NR4A3: variants seen among roughly 807,000 people sequenced by gnomAD.
NR4A3 encodes nuclear receptor subfamily 4 group A member 3, also known as chondrosarcoma, extraskeletal myxoid, fused to EWS.
A neutral mutation model predicts 55.6 loss-of-function variants in NR4A3; 13 were observed. That is an observed-to-expected ratio of 0.23 (90% CI 0.15 to 0.37). The LOEUF (loss-of-function observed/expected upper bound fraction) is 0.37, where lower values mean the gene tolerates loss of function less well. NR4A3 is among the 10% of genes least tolerant of loss of function. The probability of loss-of-function intolerance (pLI) is 1.00; values close to 1 mark genes in which losing one functional copy is unlikely to be tolerated. For missense variants in NR4A3, 646 were observed against 822.8 expected (o/e 0.79, Z 2.63); for synonymous variants, 342 against 357.9 (o/e 0.96, Z 0.50).
intron 7 of NR4A3, among the ~76,000 whole-genome samples, chr9:99,862,627 A>G (rs1828029344): frequency 6.7e-6 from 1 of 150,210 alleles, no homozygotes; most frequent in Non-Finnish European, 1.5e-5. Context: ...GAGGAAAAGC[A>G]TAGTGATTTG....
intron 5 of NR4A3, among the ~76,000 whole-genome samples, chr9:99,836,408 A>G (rs991591465): frequency 7.2e-5 from 11 of 152,234 alleles, no homozygotes; most frequent in Non-Finnish European, 1.5e-4. Context: ...CATTACCTTC[A>G]GCTGCAGTAG....
rs765643733 is a variant in NR4A3, at chr9:99,844,830, T to C, written c.1436T>C (p.Val479Ala). ...LIESAFLELFVLRLSIRSNTA... is the reference protein window; with the variant it reads ...LIESAFLELFALRLSIRSNTA... ...GAATCAGCCTTTTTGGAGCTGTTTG[T>C]CCTCAGACTTTCCATCAGGTAATTA... Residue 479 changes from valine (V) to alanine (A), a missense_variant, in exon 6 of 8, where the codon GTC becomes GCC. This residue lies in a region of NR4A3 where 163 missense variants were observed against 233.0 expected (regional missense o/e 0.70). Coordinates refer to ENST00000395097, the MANE Select transcript of NR4A3 (RefSeq NM_006981.4). 1.1e-5 allele frequency: 17 copies of C among 1,613,924 alleles called. No homozygotes were observed. The highest frequency in any genetic ancestry group is 1.4e-5 in the Non-Finnish European group (17 of 1,179,752).
At chr9:99,848,410 TC>T (rs1324029923) in intron 7 of NR4A3, among the ~76,000 whole-genome samples, 1 of 152,186 alleles carries the variant, frequency 6.6e-6, no homozygotes, top group East Asian at 1.9e-4. Context: ...AATGATGTGA[TC>T]TTGGTTTACT....
At position 99,864,049 on chromosome 9, in the gene NR4A3, TGCAG is replaced by T; in HGVS notation, c.*183_*186del. On this transcript the variant is annotated 3_prime_UTR_variant, in exon 8 of 8. Coordinates refer to ENST00000395097, the MANE Select transcript of NR4A3 (RefSeq NM_006981.4). ...CCTTACAACCTAAAGCCAGAAAACT[TGCAG>T]AGTATTGTGTTGGGGTTGTGTTTTA... 1.6e-6 allele frequency: 1 copy of T among 641,712 alleles called. No homozygotes were observed. Among genetic ancestry groups the T allele is most frequent in the East Asian group, 2.9e-5 (1 of 34,310 alleles). The allele number at this position is 641,712 out of a possible 1,614,324, so 39.8% of individuals were successfully genotyped here.
At chr9:99,850,607 G>C (rs1244875925) in intron 7 of NR4A3, among the ~76,000 whole-genome samples, 1 of 152,204 alleles carries the variant, frequency 6.6e-6, no homozygotes, top group Non-Finnish European at 1.5e-5. Flanking sequence ...TGGCATGGCA[G>C]AAATAGCATG....
chr9:99,861,003 A>G (rs534538610), intron 7 of NR4A3, among the ~76,000 whole-genome samples: 208 of 152,354 alleles, frequency 1.4e-3, no homozygotes, highest in African/African-American at 4.5e-3. Context: ...AAGGCTGTGT[A>G]TCTGCCACTC....
At chr9:99,860,214 G>T (rs957254125) in intron 7 of NR4A3, among the ~76,000 whole-genome samples, 15 of 148,322 alleles carry the variant, frequency 1.0e-4, no homozygotes, top group Admixed American at 3.4e-4. Context: ...TGTTGTAAAC[G>T]TTTTTTTTTT....
At chr9:99,849,339 G>T (rs1206689665) in intron 7 of NR4A3, among the ~76,000 whole-genome samples, 1 of 151,882 alleles carries the variant, frequency 6.6e-6, no homozygotes, top group African/African-American at 2.4e-5. Context: ...CTGGTCTTTG[G>T]TCCAGGATGA....
chr9:99,829,032 C>T (rs1234241392), intron 3 of NR4A3, 39 bp downstream of exon 3: 5 of 1,305,994 alleles, frequency 3.8e-6, no homozygotes, highest in Non-Finnish European at 3.9e-6. Flanking sequence ...CACCCAGCCC[C>T]CTCACTGAAG....
chr9:99,856,816 AT>A (rs1827935458), intron 7 of NR4A3, among the ~76,000 whole-genome samples: 1 of 152,186 alleles, frequency 6.6e-6, no homozygotes, highest in Non-Finnish European at 1.5e-5. Context: ...CGGATTCTGC[AT>A]TTCCAGCAAG....
intron 1 of NR4A3, among the ~76,000 whole-genome samples, chr9:99,824,158 G>C (rs1269438874): frequency 6.6e-6 from 1 of 152,202 alleles, no homozygotes; most frequent in Non-Finnish European, 1.5e-5. Flanking sequence ...CTAGGTAACC[G>C]GCCGCTTGTG....
rs1483252632 is a variant in NR4A3 at position 99,864,743 on chromosome 9, T to G, written c.*876T>G. The G allele has an allele frequency of 1.3e-5, 3 of 223,698 alleles. No individual in the cohort carries two copies. The highest frequency in any genetic ancestry group is 2.2e-5 in the African/African-American group (1 of 44,776). 13.9% of individuals were successfully genotyped at this position (223,698 alleles called of 1,614,324 possible). A position where few individuals can be genotyped will look rare whatever the true frequency, so the allele number is the denominator to read the frequency against. On this transcript the variant is annotated 3_prime_UTR_variant, in exon 8 of 8. Transcript: ENST00000395097. ...CTGGATTACATGTAACTGTTTTGGTTGTGTTCTATCAACCCCACCAGAGTT... is the reference window on the plus strand; with the variant it reads ...CTGGATTACATGTAACTGTTTTGGTGGTGTTCTATCAACCCCACCAGAGTT...
intron 5 of NR4A3, chr9:99,834,857 C>T (rs1827528258): frequency 2.0e-6 from 2 of 984,354 alleles, no homozygotes; most frequent in South Asian, 9.4e-5. Flanking sequence ...GACTCTTATT[C>T]TGATTATAAG....
At chr9:99,847,310 C>A in intron 6 of NR4A3, 127 bp from the exon 7 acceptor site, 1 of 805,634 alleles carries the variant, frequency 1.2e-6, no homozygotes, top group Non-Finnish European at 2.1e-6. Context: ...ATCTGGCATG[C>A]TTCATAGCAC....
At chr9:99,834,968 G>A (rs1211204480) in intron 5 of NR4A3, 16 of 979,160 alleles carry the variant, frequency 1.6e-5, no homozygotes, top group South Asian at 9.5e-5. Context: ...GGAATCATGC[G>A]GGCCTAGATG....
Position 99,858,620 on chromosome 9 carries a change from G to A in NR4A3, c.1634-5000G>A, listed in dbSNP as rs796210052. ...TAGAAAAGCTAGTTCATCTCAGGAC[G>A]AGGAGAAACTTTCTAACAATTAGAG... On this transcript the variant is annotated intron_variant, in intron 7 of 7. Transcript: ENST00000395097. Among the ~76,000 whole-genome samples, 12 of 152,346 alleles carry A rather than the reference G, an allele frequency of 7.9e-5. No individual in the cohort carries two copies. The East Asian group carries it at 1.7e-3, about 22-fold the overall frequency.
Position 99,828,819 on chromosome 9 carries a change from C to G in NR4A3, c.777C>G (p.Leu259=). 6.8e-7 allele frequency: 1 copy of G among 1,474,318 alleles called. No homozygotes were observed. Among genetic ancestry groups the G allele is most frequent in the South Asian group, 1.3e-5 (1 of 78,730 alleles). The allele number at this position is 1,474,318 out of a possible 1,614,324, so 91.3% of individuals were successfully genotyped here. ...CGGCCCCGCTGGCCTTCCCGCCTCT[C>G]GGCCTCACGCCCTCCCCTACCGCGT... ...KRAAPLAFPP[L]GLTPSPTASS... is the part of the protein sequence containing the mutation. Residue 259 remains leucine (L), a synonymous_variant, in exon 3 of 8, where the codon CTC becomes CTG. Transcript: ENST00000395097. The surrounding 1 kb of genome is among the most constrained non-coding windows in gnomAD (Gnocchi z 7.7).
At chr9:99,842,085 G>C (rs915727523) in intron 5 of NR4A3, among the ~76,000 whole-genome samples, 1 of 148,790 alleles carries the variant, frequency 6.7e-6, no homozygotes, top group Non-Finnish European at 1.5e-5. Flanking sequence ...ACAAAATTGA[G>C]ATTAAAGTAG....
At chr9:99,855,217 G>T (rs1304897891) in intron 7 of NR4A3, among the ~76,000 whole-genome samples, 1 of 152,134 alleles carries the variant, frequency 6.6e-6, no homozygotes, top group Non-Finnish European at 1.5e-5. Context: ...GAATTTCTTT[G>T]TGTCTTTCTT....
Sources: gnomAD v4.1 joint callset for allele counts (sites outside exome capture counted in the v4.1 genomes callset) on GRCh38, gnomAD v4.1.1 for gene constraint, gnomAD v4.1.1 regional missense constraint, Gnocchi (gnomAD v3.1) non-coding constraint, MANE v1.5 for transcripts, NCBI Gene and HGNC (gene_info 2026-07-23, HGNC 2026-07-21) for gene names.